NEK1: variants seen among roughly 807,000 people sequenced by gnomAD.
NEK1 encodes the protein NIMA related kinase 1, also known as serine/threonine-protein kinase Nek1.
Under a neutral mutation model 182.1 loss-of-function variants are expected in NEK1, and 137 were observed. The ratio of observed to expected loss-of-function variants is 0.75; its 90% CI spans 0.65 to 0.87. The LOEUF (loss-of-function observed/expected upper bound fraction) is 0.87, where lower values mean the gene tolerates loss of function less well. Ranked by LOEUF, NEK1 falls within the 40% of genes least tolerant of loss-of-function variation. NEK1 has a pLI of 0.00. For missense variants in NEK1, 1,391 were observed against 1,494.4 expected (o/e 0.93, Z 1.14); for synonymous variants, 513 against 492.2 (o/e 1.04, Z -0.56).
Position 169,585,447 on chromosome 4 carries a change from G to A in NEK1, c.709C>T (p.Gln237Ter). 6.2e-7 allele frequency: 1 copy of A among 1,613,494 alleles called. No individual in the cohort carries two copies. Among genetic ancestry groups the A allele is most frequent in the South Asian group, 1.1e-5 (1 of 91,070 alleles). The change falls in exon 10 of 36, where the codon CAG becomes TAG. Residue 237 changes from glutamine to a stop codon, truncating the protein, a stop_gained. Coordinates refer to ENST00000507142, the MANE Select transcript of NEK1 (RefSeq NM_001199397.3). LOFTEE classifies it high-confidence loss of function. ...YSYDLRSLVS[Q>*]LFKRNPRDRP... is the part of the protein sequence containing the mutation. The stretch of plus-strand genomic sequence containing the variant: ...TCCCTAGGATTTCTTTTAAATAACT[G>A]AGACACCAAACTGCGGAGATCATAG...
chr4:169,609,392 C>T (rs962480596), intron 2 of NEK1, among the ~76,000 whole-genome samples: 6 of 152,162 alleles, frequency 3.9e-5, no homozygotes, highest in Admixed American at 3.3e-4. Flanking sequence ...AACAAAGTAT[C>T]TACAAAGTTA....
At chr4:169,400,685 A>G (rs756285291) in intron 33 of NEK1, 34 bp from the exon 34 acceptor site, 1 of 1,491,292 alleles carries the variant, frequency 6.7e-7, no homozygotes, top group South Asian at 1.3e-5. Context: ...GATTTGATTT[A>G]AAAAGACTGA....
chr4:169,542,611 CCCA>C (rs1217219545), intron 18 of NEK1, among the ~76,000 whole-genome samples: 3 of 152,210 alleles, frequency 2.0e-5, no homozygotes, highest in Non-Finnish European at 2.9e-5. Context: ...AATTTACACT[CCCA>C]CCAACAGTGT....
chr4:169,555,360 T>G, intron 18 of NEK1: 1 of 219,990 alleles, frequency 4.5e-6, no homozygotes, highest in Non-Finnish European at 9.1e-6. Context: ...GGGCGAAAAA[T>G]GCACTGGGGT....
At chr4:169,432,902 T>C (rs868076827) in intron 29 of NEK1, among the ~76,000 whole-genome samples, 2 of 151,912 alleles carry the variant, frequency 1.3e-5, no homozygotes, top group African/African-American at 4.8e-5. Flanking sequence ...GCCTCCTGAG[T>C]ACCTGGGATT....
At chr4:169,547,164 GC>G (rs1028117260) in intron 18 of NEK1, among the ~76,000 whole-genome samples, 50 of 152,312 alleles carry the variant, frequency 3.3e-4, no homozygotes, top group African/African-American at 1.2e-3. Context: ...TGTAAGGCAA[GC>G]CTGGTGGAGA....
In NEK1 at chr4:169,436,264, T is replaced by C. The variant is rs115911444; in HGVS notation, c.2764+1819A>G. The stretch of plus-strand genomic sequence containing the variant: ...TAATTTGTTTTGCAGCAATAGATAA[T>C]TGAAGCAGAATTACATATCCGGAAG... On this transcript the variant is annotated intron_variant, in intron 28 of 35. Transcript: ENST00000507142. Among the ~76,000 whole-genome samples the C allele has an allele frequency of 4.8e-3, 724 of 152,338 alleles. 4 individuals carry two copies. The highest frequency in any genetic ancestry group is 0.016 in the African/African-American group (666 of 41,584).
At chr4:169,411,169 G>A (rs1306384436) in intron 31 of NEK1, among the ~76,000 whole-genome samples, 3 of 152,122 alleles carry the variant, frequency 2.0e-5, no homozygotes, top group Non-Finnish European at 2.9e-5. Flanking sequence ...CAGATTCCAA[G>A]GACTAGTCAC....
At chr4:169,608,114 C>T (rs28619412) in intron 2 of NEK1, among the ~76,000 whole-genome samples, 1 of 85,030 alleles carries the variant, frequency 1.2e-5, no homozygotes, top group African/African-American at 3.7e-5. Context: ...CACACACACA[C>T]ATACACACAC....
intron 19 of NEK1, among the ~76,000 whole-genome samples, chr4:169,524,594 A>G (rs1406812764): frequency 1.3e-5 from 2 of 152,226 alleles, no homozygotes; most frequent in Non-Finnish European, 2.9e-5. Context: ...AAAAAAGAGT[A>G]TTTTAAGAAA....
chr4:169,585,346 T>C lies in NEK1; in HGVS notation c.807+3A>G. The C allele has an allele frequency of 1.2e-6, 2 of 1,611,106 alleles. No homozygotes were observed. Among genetic ancestry groups the C allele is most frequent in the Non-Finnish European group, 1.7e-6 (2 of 1,178,152 alleles). ...GTTTAATTTTAAAGGAAAAAGAACT[T>C]ACCTGAGGAGAGAGAAACTTTTCAA... On this transcript the variant is annotated splice_donor_region_variant and intron_variant, in intron 10 of 35. Transcript: ENST00000507142.
At chr4:169,527,451 A>T (rs1427426183) in intron 19 of NEK1, among the ~76,000 whole-genome samples, 1 of 152,196 alleles carries the variant, frequency 6.6e-6, no homozygotes, top group African/African-American at 2.4e-5. Flanking sequence ...CAGTTAAAAG[A>T]AAAGGTATAA....
chr4:169,507,432 G>A (rs1561316706), intron 22 of NEK1, among the ~76,000 whole-genome samples: 2 of 151,632 alleles, frequency 1.3e-5, no homozygotes, highest in Non-Finnish European at 2.9e-5. Context: ...TGCCTTCATG[G>A]GGATGTATAT....
intron 31 of NEK1, among the ~76,000 whole-genome samples, chr4:169,418,291 T>C (rs1734875712): frequency 1.3e-5 from 2 of 152,298 alleles, no homozygotes; most frequent in African/African-American, 4.8e-5. Flanking sequence ...CACAAGTAAC[T>C]TGACTAACTT....
intron 12 of NEK1, 71 bp from the exon 13 acceptor site, chr4:169,562,267 G>A: frequency 2.0e-6 from 2 of 1,025,476 alleles, no homozygotes. Flanking sequence ...CAAATTTACA[G>A]AAATTTAAGA....
intron 31 of NEK1, among the ~76,000 whole-genome samples, chr4:169,419,647 T>C (rs1351182157): frequency 3.3e-5 from 5 of 152,186 alleles, no homozygotes; most frequent in Non-Finnish European, 1.5e-5. Context: ...TTAACAAAGA[T>C]ACGTTACGAG....
intron 31 of NEK1, among the ~76,000 whole-genome samples, chr4:169,418,806 A>G (rs1039073994): frequency 1.3e-5 from 2 of 152,098 alleles, no homozygotes; most frequent in African/African-American, 4.8e-5. Flanking sequence ...AAGGTAGTAG[A>G]GAGAGAGAAA....
In NEK1 at chr4:169,561,594, T is replaced by C. The variant is rs749658192; in HGVS notation, c.1192-40A>G. 32 of 1,603,544 alleles carry C rather than the reference T, an allele frequency of 2.0e-5. No individual in the cohort carries two copies. In the Middle Eastern group the frequency reaches 5.0e-4, roughly 25 times the overall value. On this transcript the variant is annotated intron_variant, in intron 15 of 35. Coordinates refer to ENST00000507142, the MANE Select transcript of NEK1 (RefSeq NM_001199397.3). Reference sequence around the variant, plus strand: ...AATAAACAAAACACCATTTCAAGTATTTAATATAAAATACACGTAATACAT... The same window carrying C: ...AATAAACAAAACACCATTTCAAGTACTTAATATAAAATACACGTAATACAT...
At chr4:169,438,634 A>G (rs1461891325) in intron 27 of NEK1, among the ~76,000 whole-genome samples, 1 of 152,238 alleles carries the variant, frequency 6.6e-6, no homozygotes, top group Non-Finnish European at 1.5e-5. Context: ...ACCTCAGAAC[A>G]TCCTGAGACA....
Sources: gnomAD v4.1 joint callset for allele counts (sites outside exome capture counted in the v4.1 genomes callset) on GRCh38, gnomAD v4.1.1 for gene constraint, MANE v1.5 for transcripts, NCBI Gene and HGNC (gene_info 2026-07-23, HGNC 2026-07-21) for gene names.